Variants in IRF2 observed in about 807,000 individuals in gnomAD.
The protein encoded by IRF2 is interferon regulatory factor 2.
In IRF2, 15 loss-of-function variants were observed where a neutral mutation model predicts 40.6. That is an observed-to-expected ratio of 0.37 (90% CI 0.25 to 0.57). The LOEUF (loss-of-function observed/expected upper bound fraction) is 0.57, where lower values mean the gene tolerates loss of function less well. IRF2 is among the 20% of genes least tolerant of loss of function. The pLI is 0.77. For synonymous variants in IRF2, 151 were observed against 165.5 expected, an observed-to-expected ratio of 0.91 and a Z score of 0.67; for missense variants, 317 against 455.7, an observed-to-expected ratio of 0.70 and a Z score of 2.77.
intron 1 of IRF2, among the ~76,000 whole-genome samples, chr4:184,469,528 C>T (rs1026523700): frequency 5.9e-5 from 9 of 152,190 alleles, no homozygotes; most frequent in Middle Eastern, 3.4e-3. Context: ...AAATGTATGT[C>T]GGGCTTTGGG....
chr4:184,403,371 C>G (rs1161399175), intron 6 of IRF2, among the ~76,000 whole-genome samples: 4 of 152,274 alleles, frequency 2.6e-5, no homozygotes. Context: ...ACAGGAATAA[C>G]AAACTTACCT....
At position 184,437,294 on chromosome 4, in the gene IRF2, G is replaced by A. The variant is rs146803988; in HGVS notation, c.-6-8224C>T. Among the ~76,000 whole-genome samples, 1,059 of 152,258 alleles carry A rather than the reference G, an allele frequency of 7.0e-3. 15 individuals are homozygous for A. The highest frequency in any genetic ancestry group is 0.024 in the African/African-American group (1,014 of 41,534). ...GCTGGTCTTGAACTCTTGACCTGAT[G>A]ATCCACCTGCTTTGGCCTCCCAAAG... is the stretch of plus-strand genomic sequence containing the variant. On this transcript the variant is annotated intron_variant, in intron 1 of 8. Transcript: ENST00000393593.
intron 1 of IRF2, among the ~76,000 whole-genome samples, chr4:184,456,187 C>T (rs1450781920): frequency 2.6e-5 from 4 of 152,134 alleles, no homozygotes; most frequent in African/African-American, 7.2e-5. Context: ...TTAGTTCATT[C>T]GCCTCACAAA....
At chr4:184,428,555 T>C (rs1737752462) in intron 2 of IRF2, 3 of 370,824 alleles carry the variant, frequency 8.1e-6, no homozygotes, top group South Asian at 5.8e-5. Context: ...CCCCACACTT[T>C]GGGAGGCTGA....
chr4:184,432,564 A>G (rs1410841290), intron 1 of IRF2, among the ~76,000 whole-genome samples: 1 of 152,252 alleles, frequency 6.6e-6, no homozygotes, highest in African/African-American at 2.4e-5. Context: ...AATGCTCATC[A>G]ATCAACAATA....
At chr4:184,427,899 G>C (rs1004956979) in intron 2 of IRF2, among the ~76,000 whole-genome samples, 1 of 152,118 alleles carries the variant, frequency 6.6e-6, no homozygotes, top group Non-Finnish European at 1.5e-5. Context: ...AAAAAGAAAA[G>C]GGGAGGGAGT....
At chr4:184,452,802 G>GGA (rs1738773809) in intron 1 of IRF2, among the ~76,000 whole-genome samples, 2 of 106,916 alleles carry the variant, frequency 1.9e-5, no homozygotes, top group Admixed American at 1.9e-4. Context: ...AAAAGGGAAA[G>GGA]AAAGAAAGAA....
rs376716963 is a variant in IRF2, at chr4:184,428,927, G to T, written c.87+51C>A. Reference sequence around the variant, plus strand: ...TTTACTTTCAGCAGTCCGCATGGGCGTGTTTCAGCCAGGACCTCTCTCACA... The same window carrying T: ...TTTACTTTCAGCAGTCCGCATGGGCTTGTTTCAGCCAGGACCTCTCTCACA... On this transcript the variant is annotated intron_variant, in intron 2 of 8. Transcript: ENST00000393593. 4 of 1,391,646 alleles carry T rather than the reference G, an allele frequency of 2.9e-6. No individual in the cohort carries two copies. In the African/African-American group the frequency reaches 4.2e-5, roughly 15 times the overall value. The allele number at this position is 1,391,646 out of a possible 1,614,324, so 86.2% of individuals were successfully genotyped here. A position where few individuals can be genotyped will look rare whatever the true frequency, so the allele number is the denominator to read the frequency against.
At chr4:184,397,072 G>A (rs139940383) in intron 7 of IRF2, among the ~76,000 whole-genome samples, 45 of 152,340 alleles carry the variant, frequency 3.0e-4, no homozygotes, top group African/African-American at 1.1e-3. Context: ...AACAGGGACT[G>A]GCACGTGTAA....
intron 1 of IRF2, among the ~76,000 whole-genome samples, chr4:184,454,396 A>G (rs1738835537): frequency 6.6e-6 from 1 of 152,196 alleles, no homozygotes; most frequent in Non-Finnish European, 1.5e-5. Context: ...GTTTGATTCT[A>G]TTCCTGGGAT....
intron 1 of IRF2, among the ~76,000 whole-genome samples, chr4:184,444,931 T>C (rs768974274): frequency 2.5e-4 from 38 of 152,200 alleles, no homozygotes; most frequent in Admixed American, 5.2e-4. Context: ...CAGAGCATAA[T>C]GTGAAAAAAG....
At chr4:184,406,035 C>T (rs1483553661) in intron 6 of IRF2, among the ~76,000 whole-genome samples, 1 of 152,078 alleles carries the variant, frequency 6.6e-6, no homozygotes, top group Non-Finnish European at 1.5e-5. Flanking sequence ...TAAGGGTTCA[C>T]ATCTCATATG....
At chr4:184,436,374 T>G (rs1308272688) in intron 1 of IRF2, among the ~76,000 whole-genome samples, 1 of 152,154 alleles carries the variant, frequency 6.6e-6, no homozygotes, top group African/African-American at 2.4e-5. Flanking sequence ...TGTGGGGGAT[T>G]CAAAGACGGT....
chr4:184,416,398 TAAAA>T (rs569437089), intron 5 of IRF2, among the ~76,000 whole-genome samples: 1 of 137,176 alleles, frequency 7.3e-6, no homozygotes, highest in South Asian at 2.3e-4. Context: ...TGTTCAATTG[TAAAA>T]AAAAAAAAAT....
intron 1 of IRF2, chr4:184,432,131 G>A (rs1259501214): frequency 2.6e-5 from 4 of 151,962 alleles, no homozygotes; most frequent in Non-Finnish European, 4.4e-5. Flanking sequence ...AAGCCTGTGT[G>A]TGAAGACACA....
At chr4:184,389,139 G>T in intron 8 of IRF2, 73 bp from the exon 9 acceptor site, 1 of 1,451,970 alleles carries the variant, frequency 6.9e-7, no homozygotes. Context: ...TGCATCACTG[G>T]CCAGGTGTGG....
chr4:184,458,667 A>G (rs1490160343), intron 1 of IRF2, among the ~76,000 whole-genome samples: 2 of 152,192 alleles, frequency 1.3e-5, no homozygotes, highest in African/African-American at 2.4e-5. Flanking sequence ...CACATATATT[A>G]TGCATCTTCT....
At chr4:184,417,765 A>C (rs1304959920) in intron 5 of IRF2, among the ~76,000 whole-genome samples, 1 of 152,224 alleles carries the variant, frequency 6.6e-6, no homozygotes, top group African/African-American at 2.4e-5. Flanking sequence ...GAGTTCATAC[A>C]TTGTATAGAG....
chr4:184,391,095 C>A (rs1018260958), intron 7 of IRF2, among the ~76,000 whole-genome samples: 24 of 152,248 alleles, frequency 1.6e-4, no homozygotes, highest in Admixed American at 1.4e-3. Context: ...CCAACCAATT[C>A]ATTTAATTCC....
Sources: gnomAD v4.1 joint callset for allele counts (sites outside exome capture counted in the v4.1 genomes callset) on GRCh38, gnomAD v4.1.1 for gene constraint, MANE v1.5 for transcripts, NCBI Gene and HGNC (gene_info 2026-07-23, HGNC 2026-07-21) for gene names.